Variants in LDB2 observed in about 807,000 individuals in gnomAD.
LDB2 encodes LIM domain-binding protein 2.
LDB2 carries 12 observed loss-of-function variants against 44.3 expected under a neutral mutation model. That is an observed-to-expected ratio of 0.27 (90% CI 0.17 to 0.44). The LOEUF (loss-of-function observed/expected upper bound fraction) is 0.44. LDB2 is among the 20% of genes least tolerant of loss of function. The probability of loss-of-function intolerance (pLI) is 1.00; values close to 1 mark genes in which losing one functional copy is unlikely to be tolerated. For missense variants in LDB2, 344 were observed against 473.5 expected, an observed-to-expected ratio of 0.73 and a Z score of 2.54; for synonymous variants, 164 against 174.8, an observed-to-expected ratio of 0.94 and a Z score of 0.49.
At chr4:16,691,988 T>G (rs1021713869) in intron 2 of LDB2, among the ~76,000 whole-genome samples, 3 of 152,216 alleles carry the variant, frequency 2.0e-5, no homozygotes, top group African/African-American at 7.2e-5. Flanking sequence ...TGCCTGACCT[T>G]TCCTCTTTGA....
chr4:16,793,615 T>C (rs1451508273), intron 1 of LDB2, among the ~76,000 whole-genome samples: 3 of 152,210 alleles, frequency 2.0e-5, no homozygotes, highest in African/African-American at 7.2e-5. Flanking sequence ...AGGAATAAAA[T>C]CACCTGAATA....
rs181075012 is a variant in LDB2, at chr4:16,544,126, G to T, written c.616-32022C>A. Among the ~76,000 whole-genome samples, 10 of 152,236 alleles carry T rather than the reference G, an allele frequency of 6.6e-5. No individual in the cohort carries two copies. In the East Asian group the frequency reaches 7.7e-4, roughly 12 times the overall value. ...TGTTACACTTTATGAAGGAAAAACAGAGGATCATAAGCAGTGTCATGCATG... is the reference window on the plus strand; with the variant it reads ...TGTTACACTTTATGAAGGAAAAACATAGGATCATAAGCAGTGTCATGCATG... On this transcript the variant is annotated intron_variant, in intron 5 of 7. Transcript: ENST00000304523.
At chr4:16,874,983 A>G (rs547247087) in intron 1 of LDB2, among the ~76,000 whole-genome samples, 3 of 152,334 alleles carry the variant, frequency 2.0e-5, no homozygotes, top group Admixed American at 6.5e-5. Flanking sequence ...CTGACATCCC[A>G]AAATACAAGC....
chr4:16,740,284 C>T (rs908780039), intron 2 of LDB2, among the ~76,000 whole-genome samples: 1 of 152,178 alleles, frequency 6.6e-6, no homozygotes, highest in Admixed American at 6.5e-5. Flanking sequence ...GGCACACACT[C>T]GGCTATTTAA....
chr4:16,592,000 G>C (rs1034549580), intron 3 of LDB2, among the ~76,000 whole-genome samples: 5 of 151,908 alleles, frequency 3.3e-5, no homozygotes, highest in Non-Finnish European at 5.9e-5. Context: ...TGTTTCTGTG[G>C]TAACCAAAAT....
At chr4:16,676,080 A>G (rs1312402338) in intron 2 of LDB2, among the ~76,000 whole-genome samples, 1 of 152,206 alleles carries the variant, frequency 6.6e-6, no homozygotes, top group South Asian at 2.1e-4. Flanking sequence ...AATGTTTTGT[A>G]ACTGGCTAAT....
Position 16,827,790 on chromosome 4 carries a change from A to G in LDB2, c.133-68530T>C, listed in dbSNP as rs190085498. On this transcript the variant is annotated intron_variant, in intron 1 of 7. Coordinates refer to ENST00000304523, the MANE Select transcript of LDB2 (RefSeq NM_001290.5). ...GGAGGGTTGAAAAGAAACAAGGAGGATCACAAAGATTCACGGAAAAGCCTC... is the reference window on the plus strand; with the variant it reads ...GGAGGGTTGAAAAGAAACAAGGAGGGTCACAAAGATTCACGGAAAAGCCTC... Among the ~76,000 whole-genome samples the G allele has an allele frequency of 3.3e-5, 5 of 152,276 alleles. No individual in the cohort carries two copies. The East Asian group carries it at 9.7e-4, about 29-fold the overall frequency.
chr4:16,615,394 G>A (rs1726988462), intron 2 of LDB2, among the ~76,000 whole-genome samples: 1 of 152,130 alleles, frequency 6.6e-6, no homozygotes, highest in African/African-American at 2.4e-5. Flanking sequence ...AGAAAATGCG[G>A]TACATATATA....
intron 1 of LDB2, among the ~76,000 whole-genome samples, chr4:16,858,815 A>G (rs992357254): frequency 2.0e-5 from 3 of 152,170 alleles, no homozygotes; most frequent in Admixed American, 2.0e-4. Context: ...GAACTATACA[A>G]ACTGCGTCAA....
At chr4:16,750,674 G>A (rs546066666) in intron 2 of LDB2, among the ~76,000 whole-genome samples, 22 of 152,274 alleles carry the variant, frequency 1.4e-4, no homozygotes, top group Admixed American at 5.2e-4. Flanking sequence ...AAGTAGGGAT[G>A]CCATATTTAA....
At chr4:16,784,098 G>C (rs1579631415) in intron 1 of LDB2, among the ~76,000 whole-genome samples, 1 of 152,146 alleles carries the variant, frequency 6.6e-6, no homozygotes, top group Non-Finnish European at 1.5e-5. Context: ...ATTTTAAAAA[G>C]AATTTTTAAA....
At chr4:16,876,979 C>T (rs913510690) in intron 1 of LDB2, among the ~76,000 whole-genome samples, 12 of 151,758 alleles carry the variant, frequency 7.9e-5, no homozygotes, top group African/African-American at 2.9e-4. Context: ...GCCATCATAG[C>T]TCACTACAAC....
intron 2 of LDB2, among the ~76,000 whole-genome samples, chr4:16,610,540 C>T (rs1211420910): frequency 4.6e-5 from 7 of 151,978 alleles, no homozygotes; most frequent in African/African-American, 9.7e-5. Flanking sequence ...AGAGCTGAAA[C>T]ACACAGCATG....
chr4:16,780,655 A>G (rs1772998065), intron 1 of LDB2, among the ~76,000 whole-genome samples: 1 of 152,044 alleles, frequency 6.6e-6, no homozygotes, highest in Non-Finnish European at 1.5e-5. Flanking sequence ...TTCTCTCCAG[A>G]TCCCAATCCA....
At chr4:16,855,501 C>A (rs2110215662) in intron 1 of LDB2, among the ~76,000 whole-genome samples, 1 of 152,120 alleles carries the variant, frequency 6.6e-6, no homozygotes, top group South Asian at 2.1e-4. Context: ...TTGTGCAATA[C>A]CATTTTAGTT....
intron 5 of LDB2, among the ~76,000 whole-genome samples, chr4:16,517,318 C>A (rs1473100171): frequency 1.3e-5 from 2 of 148,892 alleles, no homozygotes; most frequent in African/African-American, 5.0e-5. Context: ...AAGATATATG[C>A]CTTTTCCTCA....
At chr4:16,526,208 T>C (rs1728187935) in intron 5 of LDB2, among the ~76,000 whole-genome samples, 1 of 152,180 alleles carries the variant, frequency 6.6e-6, no homozygotes, top group Non-Finnish European at 1.5e-5. Flanking sequence ...GGGGCCCAGA[T>C]AGAACAAAAA....
At chr4:16,636,115 A>C (rs558200575) in intron 2 of LDB2, among the ~76,000 whole-genome samples, 1 of 152,358 alleles carries the variant, frequency 6.6e-6, no homozygotes. Flanking sequence ...AAATTACTAA[A>C]GACCCAGTTG....
intron 5 of LDB2, among the ~76,000 whole-genome samples, chr4:16,562,195 C>CA (rs1355510361): frequency 6.6e-6 from 1 of 152,164 alleles, no homozygotes; most frequent in Non-Finnish European, 1.5e-5. Context: ...AAAGCAATGG[C>CA]AACAAAAGAC....
Sources: allele counts gnomAD v4.1 joint callset (sites outside exome capture counted in the v4.1 genomes callset), GRCh38; gene constraint gnomAD v4.1.1; transcripts MANE v1.5; gene names NCBI Gene and HGNC (gene_info 2026-07-23, HGNC 2026-07-21).